ARCN1: variants seen among roughly 807,000 people sequenced by gnomAD.
ARCN1 encodes archain 1 coat protein complex I subunit delta.
A neutral mutation model predicts 60.4 loss-of-function variants in ARCN1; 5 were observed. The observed-to-expected ratio is 0.08, with a 90% confidence interval of 0.04 to 0.17. The LOEUF is 0.17. Among genes scored for constraint, ARCN1 ranks in the 10% least tolerant of loss-of-function variants. ARCN1 has a pLI of 1.00. For synonymous variants in ARCN1, 224 were observed against 220.0 expected, an observed-to-expected ratio of 1.02 and a Z score of -0.16; for missense variants, 464 against 626.5, an observed-to-expected ratio of 0.74 and a Z score of 2.77.
At position 118,576,426 on chromosome 11, in the gene ARCN1, TAAAAAA is replaced by T. The variant is rs10671866; in HGVS notation, c.3+3894_3+3899del. On this transcript the variant is annotated intron_variant, in intron 1 of 9. Transcript: ENST00000264028. Reference sequence around the variant, plus strand: ...TCTGGAATGTTTTTTCCAAAAATGTTAAAAAAAAAAAAAAAAAAAAAAACCAAAAAC... The same window carrying T: ...TCTGGAATGTTTTTTCCAAAAATGTTAAAAAAAAAAAAAAAAACCAAAAAC... Among the ~76,000 whole-genome samples, 49 of 108,770 alleles carry T rather than the reference TAAAAAA, an allele frequency of 4.5e-4. 1 individual carries two copies. The highest frequency in any genetic ancestry group is 8.7e-4 in the African/African-American group (25 of 28,838). 71.4% of individuals were successfully genotyped at this position (108,770 alleles called of 152,430 possible). A position where few individuals can be genotyped will look rare whatever the true frequency, so the allele number is the denominator to read the frequency against.
chr11:118,578,874 CTTTTTTT>C (rs56050047), intron 1 of ARCN1, among the ~76,000 whole-genome samples: 2,309 of 83,368 alleles, frequency 0.028, 50 homozygotes, highest in East Asian at 0.1. Context: ...CCCCGTCTCT[CTTTTTTT>C]TTTTTTTTTT....
chr11:118,581,200 A>T, intron 1 of ARCN1, 46 bp from the exon 2 acceptor site: 1 of 1,601,892 alleles, frequency 6.2e-7, no homozygotes, highest in Non-Finnish European at 8.5e-7. Flanking sequence ...GAGAAAACAG[A>T]TGTGAAGAAA....
chr11:118,599,777 T>C (rs1939111285), intron 9 of ARCN1, among the ~76,000 whole-genome samples: 2 of 152,164 alleles, frequency 1.3e-5, no homozygotes, highest in Non-Finnish European at 2.9e-5. Context: ...GTTTATATTA[T>C]TAATATTCCC....
intron 5 of ARCN1, among the ~76,000 whole-genome samples, chr11:118,584,860 C>G (rs1486511851): frequency 1.3e-5 from 2 of 152,078 alleles, no homozygotes; most frequent in South Asian, 2.1e-4. Flanking sequence ...GAGTCTCACT[C>G]TGTCACCCAG....
At chr11:118,591,000 A>G (rs1428658013) in intron 6 of ARCN1, among the ~76,000 whole-genome samples, 1 of 152,232 alleles carries the variant, frequency 6.6e-6, no homozygotes, top group African/African-American at 2.4e-5. Flanking sequence ...TATCTCTACA[A>G]AAACTTAAAA....
In ARCN1 at chr11:118,576,287, C is replaced by A. The variant is rs1213553298; in HGVS notation, c.3+3737C>A. ...TTAAAAGTTGTTTGGCAAAGCTCAA[C>A]TTTATGAGGGAATTTTTTTTTTTTT... On this transcript the variant is annotated intron_variant, in intron 1 of 9. Coordinates refer to ENST00000264028, the MANE Select transcript of ARCN1 (RefSeq NM_001655.5). 4.0e-5 allele frequency among the ~76,000 whole-genome samples: 6 copies of A among 150,802 alleles called. No homozygotes were observed. In the South Asian group the frequency reaches 1.3e-3, roughly 31 times the overall value.
At chr11:118,589,084 G>A (rs1938839736) in intron 5 of ARCN1, among the ~76,000 whole-genome samples, 1 of 152,298 alleles carries the variant, frequency 6.6e-6, no homozygotes, top group South Asian at 2.1e-4. Flanking sequence ...TAATGGTACT[G>A]TGATTGATTA....
intron 1 of ARCN1, chr11:118,573,479 G>A (rs915957205): frequency 2.0e-6 from 1 of 488,226 alleles, no homozygotes; most frequent in Admixed American, 3.6e-5. Context: ...TTCCTTTATC[G>A]CTGTGATTTG....
At chr11:118,581,919 GAGAC>G (rs1206415299) in intron 2 of ARCN1, among the ~76,000 whole-genome samples, 18 of 123,408 alleles carry the variant, frequency 1.5e-4, no homozygotes, top group African/African-American at 2.7e-4. Flanking sequence ...TACTGATCCA[GAGAC>G]AGACAGACAG....
At chr11:118,593,777 C>T in intron 8 of ARCN1, 79 bp downstream of exon 8, 1 of 802,202 alleles carries the variant, frequency 1.2e-6, no homozygotes, top group Non-Finnish European at 2.0e-6. Flanking sequence ...CAGCACCTAC[C>T]TGACCTGACT....
At chr11:118,584,419 A>G (rs1271864996) in intron 4 of ARCN1, 61 bp from the exon 5 acceptor site, 15 of 1,471,286 alleles carry the variant, frequency 1.0e-5, no homozygotes, top group Non-Finnish European at 1.3e-5. Flanking sequence ...AATTTTCATC[A>G]GATCATGTGT....
rs533876193 is a variant in ARCN1 at position 118,581,217 on chromosome 11, GTACT to G, written c.4-22_4-19del. 288 of 1,611,650 alleles carry G rather than the reference GTACT, an allele frequency of 1.8e-4. 1 individual carries two copies. The highest frequency in any genetic ancestry group is 4.1e-4 in the South Asian group (37 of 91,022). ...GAAAACAGATGTGAAGAAATAATTA[GTACT>G]TACTTATGCATATGTTCCTGGCAGG... On this transcript the variant is annotated intron_variant, in intron 1 of 9. Transcript: ENST00000264028.
chr11:118,591,986 T>C (rs1938923222), intron 6 of ARCN1, among the ~76,000 whole-genome samples: 1 of 151,470 alleles, frequency 6.6e-6, no homozygotes, highest in African/African-American at 2.4e-5. Context: ...AATGGTGTGA[T>C]CTCGGCTCAC....
intron 1 of ARCN1, among the ~76,000 whole-genome samples, chr11:118,578,900 T>G (rs1555074188): frequency 4.4e-5 from 4 of 91,090 alleles, no homozygotes; most frequent in Non-Finnish European, 6.8e-5. Flanking sequence ...TTTTTTTTTT[T>G]TTTTTTAATA....
intron 3 of ARCN1, 69 bp downstream of exon 3, chr11:118,583,427 C>T (rs1938704396): frequency 3.4e-6 from 5 of 1,466,944 alleles, no homozygotes; most frequent in Admixed American, 5.2e-5. Context: ...ATCTCATTTT[C>T]CTATTTTTAC....
chr11:118,598,754 CAAAGTGATGGG>C (rs1237717859), intron 9 of ARCN1, among the ~76,000 whole-genome samples: 1 of 151,876 alleles, frequency 6.6e-6, no homozygotes, highest in Non-Finnish European at 1.5e-5. Flanking sequence ...CTCAGCCTCC[CAAAGTGATGGG>C]ATTACAAGTG....
Position 118,599,189 on chromosome 11 carries a change from T to TGCAA in ARCN1, c.1446+1278_1446+1279insGCAA, listed in dbSNP as rs1555077715. ...TTCACTGCAACCTCTGCCTCCCAGG[T>TGCAA]TCAAGCGATTCTCCTGCCTCATCCT... On this transcript the variant is annotated intron_variant, in intron 9 of 9. Coordinates refer to ENST00000264028, the MANE Select transcript of ARCN1 (RefSeq NM_001655.5). 2.6e-5 allele frequency among the ~76,000 whole-genome samples: 4 copies of TGCAA among 151,804 alleles called. No homozygotes were observed. In the East Asian group the frequency reaches 5.8e-4, roughly 22 times the overall value.
chr11:118,598,819 C>T (rs1939087916), intron 9 of ARCN1, among the ~76,000 whole-genome samples: 5 of 150,364 alleles, frequency 3.3e-5, no homozygotes, highest in East Asian at 2.0e-4. Flanking sequence ...TTTTCTGAGA[C>T]GGAGTCTTGC....
At chr11:118,597,966 AC>A (rs2135556899) in intron 9 of ARCN1, 55 bp downstream of exon 9, 2 of 1,568,730 alleles carry the variant, frequency 1.3e-6, no homozygotes, top group South Asian at 2.2e-5. Flanking sequence ...CAGTAGGAAC[AC>A]GTATAGGATG....
Sources: allele counts gnomAD v4.1 joint callset (sites outside exome capture counted in the v4.1 genomes callset), GRCh38; gene constraint gnomAD v4.1.1; transcripts MANE v1.5; gene names NCBI Gene and HGNC (gene_info 2026-07-23, HGNC 2026-07-21).